The following TENT2 variants were observed in gnomAD, a reference collection of about 807,000 sequenced individuals.
The protein encoded by TENT2 is poly(A) RNA polymerase GLD2.
Under a neutral mutation model 72.2 loss-of-function variants are expected in TENT2, and 44 were observed. The observed-to-expected ratio is 0.61, with a 90% CI of 0.48 to 0.78. The LOEUF (loss-of-function observed/expected upper bound fraction) is 0.78, where lower values mean the gene tolerates loss of function less well. TENT2 is among the 30% of genes least tolerant of loss of function. The probability of loss-of-function intolerance (pLI) is 0.00; values close to 1 mark genes in which losing one functional copy is unlikely to be tolerated. For missense variants in TENT2, 541 were observed against 569.6 expected, an observed-to-expected ratio of 0.95 and a Z score of 0.51; for synonymous variants, 212 against 192.5, an observed-to-expected ratio of 1.10 and a Z score of -0.84.
Position 79,640,927 on chromosome 5 carries a change from G to GA in TENT2, c.544dup (p.Thr182AsnfsTer32). The GA allele has an allele frequency of 6.2e-7, 1 of 1,611,962 alleles. No homozygotes were observed. The highest frequency in any genetic ancestry group is 8.5e-7 in the Non-Finnish European group (1 of 1,179,164). On this transcript the variant is annotated frameshift_variant, in exon 5 of 15. Coordinates refer to ENST00000453514, the MANE Select transcript of TENT2 (RefSeq NM_001114394.3). LOFTEE classifies it high-confidence loss of function. ...GATTTAAAGAAGAAAGAACTCTGTC[G>GA]AACACAGCTGCAGAGAGAAATTCAG...
chr5:79,669,677 A>G (rs936995649), intron 12 of TENT2, among the ~76,000 whole-genome samples: 1 of 152,102 alleles, frequency 6.6e-6, no homozygotes, highest in African/African-American at 2.4e-5. Context: ...GTACAGTATT[A>G]GAGGCAGGTA....
intron 1 of TENT2, among the ~76,000 whole-genome samples, chr5:79,614,666 A>C (rs1174001771): frequency 6.6e-6 from 1 of 152,236 alleles, no homozygotes; most frequent in African/African-American, 2.4e-5. Flanking sequence ...GTAACGTTTT[A>C]TATAGCTAAT....
rs535807836 is a variant in TENT2, at chr5:79,637,564, C to T, written c.466-3287C>T. Among the ~76,000 whole-genome samples the T allele has an allele frequency of 8.5e-5, 13 of 152,174 alleles. No individual in the cohort carries two copies. In the East Asian group the frequency reaches 1.4e-3, roughly 16 times the overall value. On this transcript the variant is annotated intron_variant, in intron 4 of 14. Transcript: ENST00000453514. The stretch of plus-strand genomic sequence containing the variant: ...GCTTCAGCCTCCCTAGTAGCTGAGA[C>T]GACAGGCACGCATCACCATGTCCAG...
At chr5:79,620,404 A>T (rs1457388205) in intron 3 of TENT2, among the ~76,000 whole-genome samples, 1 of 152,158 alleles carries the variant, frequency 6.6e-6, no homozygotes, top group Non-Finnish European at 1.5e-5. Flanking sequence ...TTTTTAACTA[A>T]ATGAGATGGC....
rs1789829117 is a variant in TENT2, at chr5:79,647,246, A to T, written c.822-1371A>T. 1.3e-5 allele frequency among the ~76,000 whole-genome samples: 2 copies of T among 152,166 alleles called. 1 individual carries two copies. Among genetic ancestry groups the T allele is most frequent in the South Asian group, 4.1e-4 (2 of 4,828 alleles). Reference sequence around the variant, plus strand: ...TGTGTTTCTGGTTTTTAGATAATATAAATAAGTATTTTGTGCATAAATGCT... The same window carrying T: ...TGTGTTTCTGGTTTTTAGATAATATTAATAAGTATTTTGTGCATAAATGCT... On this transcript the variant is annotated intron_variant, in intron 8 of 14. Coordinates refer to ENST00000453514, the MANE Select transcript of TENT2 (RefSeq NM_001114394.3).
intron 11 of TENT2, among the ~76,000 whole-genome samples, chr5:79,665,711 A>C (rs934003163): frequency 3.9e-5 from 6 of 152,186 alleles, no homozygotes; most frequent in African/African-American, 1.4e-4. Context: ...TCTTCCCTCT[A>C]TATAGGCACA....
In TENT2 at chr5:79,626,550, A is replaced by G. The variant is rs1580237083; in HGVS notation, c.465+3061A>G. Among the ~76,000 whole-genome samples, 3 of 148,726 alleles carry G rather than the reference A, an allele frequency of 2.0e-5. No homozygotes were observed. The South Asian group carries it at 6.4e-4, about 32-fold the overall frequency. ...TTTTGATCTCCTGACCTCGTGATCC[A>G]CCCTCCTTGGCCTCCCAAAGTGCTG... On this transcript the variant is annotated intron_variant, in intron 4 of 14. Coordinates refer to ENST00000453514, the MANE Select transcript of TENT2 (RefSeq NM_001114394.3).
In TENT2 at chr5:79,687,029, T is replaced by C. The variant is rs1171845200; in HGVS notation, c.*1756T>C. Among the ~76,000 whole-genome samples the C allele has an allele frequency of 6.6e-6, 1 of 152,206 alleles. No homozygotes were observed. Among genetic ancestry groups the C allele is most frequent in the Non-Finnish European group, 1.5e-5 (1 of 68,032 alleles). On this transcript the variant is annotated 3_prime_UTR_variant, in exon 15 of 15. Transcript: ENST00000453514. ...TGGGTAAGTATGTACCCTCTGCCTC[T>C]ACAGTATTATGACATTTCCTAATAA...
At chr5:79,619,446 A>T (rs1763023490) in intron 1 of TENT2, among the ~76,000 whole-genome samples, 166 bp from the exon 2 acceptor site, 2 of 152,190 alleles carry the variant, frequency 1.3e-5, no homozygotes, top group South Asian at 4.1e-4. Flanking sequence ...ATTTATTATT[A>T]GTTTTCTTTT....
At chr5:79,622,394 TAATATATC>T (rs1037639251) in intron 3 of TENT2, among the ~76,000 whole-genome samples, 2 of 152,164 alleles carry the variant, frequency 1.3e-5, no homozygotes, top group African/African-American at 2.4e-5. Flanking sequence ...ATGAACAACT[TAATATATC>T]AATGAAGTAA....
At chr5:79,683,179 T>C (rs1365308224) in intron 14 of TENT2, among the ~76,000 whole-genome samples, 1 of 151,224 alleles carries the variant, frequency 6.6e-6, no homozygotes, top group East Asian at 1.9e-4. Flanking sequence ...AATGGCCAGG[T>C]GCAATGGTTC....
At chr5:79,670,692 T>A (rs1812368070) in intron 12 of TENT2, among the ~76,000 whole-genome samples, 1 of 151,516 alleles carries the variant, frequency 6.6e-6, no homozygotes, top group Non-Finnish European at 1.5e-5. Flanking sequence ...ATAAATAGAC[T>A]GTGAAGGTTT....
intron 8 of TENT2, among the ~76,000 whole-genome samples, chr5:79,647,780 T>A (rs1283021496): frequency 2.0e-5 from 3 of 152,158 alleles, no homozygotes; most frequent in Non-Finnish European, 4.4e-5. Flanking sequence ...AATCCTTAAT[T>A]TTTTATGAGT....
chr5:79,656,727 A>G (rs1205596427), intron 10 of TENT2, among the ~76,000 whole-genome samples: 4 of 152,010 alleles, frequency 2.6e-5, no homozygotes, highest in Non-Finnish European at 5.9e-5. Context: ...TGTGAGGAAC[A>G]TTGATTTACA....
At chr5:79,679,411 GA>G (rs56798447) in intron 12 of TENT2, among the ~76,000 whole-genome samples, 167 bp from the exon 13 acceptor site, 4,361 of 151,260 alleles carry the variant, frequency 0.029, 213 homozygotes, top group African/African-American at 0.098. Context: ...AAGTGTTGTG[GA>G]AAAAAAAATA....
intron 12 of TENT2, among the ~76,000 whole-genome samples, chr5:79,673,160 A>G (rs925177158): frequency 6.6e-6 from 1 of 152,148 alleles, no homozygotes; most frequent in African/African-American, 2.4e-5. Flanking sequence ...TTTCCTATAG[A>G]GTTGTTTAAG....
chr5:79,659,365 T>C (rs564323189), intron 11 of TENT2, among the ~76,000 whole-genome samples: 1 of 150,870 alleles, frequency 6.6e-6, no homozygotes, highest in Admixed American at 6.6e-5. Context: ...AAACCCCGTC[T>C]CTACTAAAAA....
Position 79,686,563 on chromosome 5 carries a change from T to C in TENT2, c.*1290T>C, listed in dbSNP as rs1561616310. 1 of 152,144 alleles carries C rather than the reference T, an allele frequency of 6.6e-6. No individual in the cohort carries two copies. The highest frequency in any genetic ancestry group is 2.4e-5 in the African/African-American group (1 of 41,450). 9.4% of individuals were successfully genotyped at this position (152,144 alleles called of 1,614,324 possible). On this transcript the variant is annotated 3_prime_UTR_variant, in exon 15 of 15. Transcript: ENST00000453514. ...AAAACTTTTGCTTTTCTTTGACTTG[T>C]AAAAGGTGCACATTTTCATTTTCTT...
intron 11 of TENT2, among the ~76,000 whole-genome samples, chr5:79,666,882 C>G (rs979594168): frequency 6.6e-6 from 1 of 152,124 alleles, no homozygotes; most frequent in Non-Finnish European, 1.5e-5. Flanking sequence ...TAGGGGATTT[C>G]TTAAGGATAG....
Sources: gnomAD v4.1 joint callset for allele counts (sites outside exome capture counted in the v4.1 genomes callset) on GRCh38, gnomAD v4.1.1 for gene constraint, MANE v1.5 for transcripts, NCBI Gene and HGNC (gene_info 2026-07-23, HGNC 2026-07-21) for gene names.